INSYN1: variants seen among roughly 807,000 people sequenced by gnomAD.
The protein encoded by INSYN1 is inhibitory synaptic factor 1, also known as UPF0583 protein C15orf59.
In INSYN1, 7 loss-of-function variants were observed where a neutral mutation model predicts 17.1. That is an observed-to-expected ratio of 0.41 (90% CI 0.23 to 0.77). INSYN1 has a LOEUF of 0.77. Among genes scored for constraint, INSYN1 ranks in the 30% least tolerant of loss-of-function variants. The pLI, the probability that INSYN1 is intolerant of heterozygous loss-of-function variation, is 0.32. For missense variants in INSYN1, 339 were observed against 400.6 expected (o/e 0.85, Z 1.31); for synonymous variants, 174 against 166.3 (o/e 1.05, Z -0.36).
At chr15:73,744,679 C>T (rs539649760) in intron 2 of INSYN1, among the ~76,000 whole-genome samples, 1 of 152,134 alleles carries the variant, frequency 6.6e-6, no homozygotes, top group South Asian at 2.1e-4. Flanking sequence ...ATTTTGCCTA[C>T]ATGTAATTTG....
In INSYN1 at chr15:73,751,050, C is replaced by T; in HGVS notation, c.81G>A (p.Gln27=). Residue 27 remains glutamine, a synonymous_variant, in exon 2 of 3, where the codon CAG becomes CAA. Transcript: ENST00000569673. The part of the protein sequence containing the change: ...SSGGERERIR[Q]RMKMVIGQLE... Reference sequence around the variant, plus strand: ...GCTGCCCGATGACCATCTTCATGCGCTGTCGAATCCGCTCCCGCTCACCAC... The same window carrying T: ...GCTGCCCGATGACCATCTTCATGCGTTGTCGAATCCGCTCCCGCTCACCAC... 1 of 1,614,128 alleles carries T rather than the reference C, an allele frequency of 6.2e-7. No individual in the cohort carries two copies. Among genetic ancestry groups the T allele is most frequent in the Non-Finnish European group, 8.5e-7 (1 of 1,180,036 alleles).
chr15:73,745,787 C>T (rs1174398393), intron 2 of INSYN1, among the ~76,000 whole-genome samples: 7 of 128,586 alleles, frequency 5.4e-5, no homozygotes, highest in East Asian at 2.0e-4. Flanking sequence ...CCAGCCTGGG[C>T]GACAGAGCGA....
chr15:73,750,867 A>G (rs984322407), intron 2 of INSYN1, 108 bp downstream of exon 2: 2 of 1,178,766 alleles, frequency 1.7e-6, no homozygotes, highest in African/African-American at 3.0e-5. Flanking sequence ...AGAGTGACAC[A>G]TGTGCACGCA....
At chr15:73,750,950 T>C (rs769589283) in intron 2 of INSYN1, 25 bp downstream of exon 2, 32 of 1,613,596 alleles carry the variant, frequency 2.0e-5, no homozygotes, top group Middle Eastern at 1.6e-4. Context: ...AGGGTCTGTC[T>C]GGTCCCTCCT....
chr15:73,743,020 C>A lies in INSYN1; in HGVS notation c.157-2378G>T, dbSNP rs1185964051. On this transcript the variant is annotated intron_variant, in intron 2 of 2. Transcript: ENST00000569673. ...ACCAGCAATTCAAGGCATTGATGGCCTCAGGAGAGGCCCACCACCTCTGGG... is the reference window on the plus strand; with the variant it reads ...ACCAGCAATTCAAGGCATTGATGGCATCAGGAGAGGCCCACCACCTCTGGG... 2.0e-5 allele frequency among the ~76,000 whole-genome samples: 3 copies of A among 152,360 alleles called. No individual in the cohort carries two copies. The East Asian group carries it at 5.8e-4, about 29-fold the overall frequency.
chr15:73,739,593 C>T lies in INSYN1; in HGVS notation c.*324G>A, dbSNP rs1901618455. On this transcript the variant is annotated 3_prime_UTR_variant, in exon 3 of 3. Transcript: ENST00000569673. ...GACATGGCCCTGGCCATCAGCCAGACTCCACCACAGAGTTCAGGGGCTAGC... is the reference window on the plus strand; with the variant it reads ...GACATGGCCCTGGCCATCAGCCAGATTCCACCACAGAGTTCAGGGGCTAGC... 1.3e-5 allele frequency: 2 copies of T among 152,622 alleles called. No individual in the cohort carries two copies. The highest frequency in any genetic ancestry group is 2.4e-5 in the African/African-American group (1 of 41,440). The allele number at this position is 152,622 out of a possible 1,614,324, so 9.5% of individuals were successfully genotyped here. A position where few individuals can be genotyped will look rare whatever the true frequency, so the allele number is the denominator to read the frequency against.
chr15:73,753,245 G>GC lies in INSYN1; in HGVS notation c.-1704dup, dbSNP rs1281162074. On this transcript the variant is annotated 5_prime_UTR_variant, in exon 1 of 3. Transcript: ENST00000569673. The surrounding 1 kb of genome is among the most constrained non-coding windows in gnomAD (Gnocchi z 4.2). ...CCCGCGCCCCGGCCGCCCCCGGCCC[G>GC]CCCCGCCGCCCCCCGCCGGACTGGC... 2.1e-5 allele frequency among the ~76,000 whole-genome samples: 3 copies of GC among 145,384 alleles called. No individual in the cohort carries two copies. The highest frequency in any genetic ancestry group is 3.0e-5 in the Non-Finnish European group (2 of 65,704).
At chr15:73,746,482 C>CA (rs1424635358) in intron 2 of INSYN1, among the ~76,000 whole-genome samples, 1 of 152,216 alleles carries the variant, frequency 6.6e-6, no homozygotes, top group Non-Finnish European at 1.5e-5. Flanking sequence ...CTCACACTTG[C>CA]ATGGCCTATG....
At chr15:73,745,606 C>G (rs1400175945) in intron 2 of INSYN1, among the ~76,000 whole-genome samples, 1 of 152,224 alleles carries the variant, frequency 6.6e-6, no homozygotes. Flanking sequence ...TTGCTCACCG[C>G]TACATCCCCA....
chr15:73,748,406 T>C (rs1325782177), intron 2 of INSYN1, among the ~76,000 whole-genome samples: 1 of 151,810 alleles, frequency 6.6e-6, no homozygotes, highest in East Asian at 1.9e-4. Context: ...CCAACAGTCT[T>C]GTATGTGACT....
rs1476315719 is a variant in INSYN1, at chr15:73,738,744, C to T, written c.*1173G>A. 4.6e-5 allele frequency: 7 copies of T among 151,912 alleles called. No homozygotes were observed. Among genetic ancestry groups the T allele is most frequent in the Admixed American group, 4.6e-4 (7 of 15,246 alleles). 9.4% of individuals were successfully genotyped at this position (151,912 alleles called of 1,614,324 possible). The stretch of plus-strand genomic sequence containing the variant: ...GAAAAAGAAAAATGGGGTAATAATA[C>T]TTCCTGTCTCATCAGGTTATTGTGG... On this transcript the variant is annotated 3_prime_UTR_variant, in exon 3 of 3. Coordinates refer to ENST00000569673, the MANE Select transcript of INSYN1 (RefSeq NM_001039614.3).
chr15:73,740,558 T>C lies in INSYN1; in HGVS notation c.241A>G (p.Thr81Ala). The change falls in exon 3 of 3, where the codon ACC becomes GCC. Residue 81 changes from threonine (T) to alanine (A), a missense_variant. Coordinates refer to ENST00000569673, the MANE Select transcript of INSYN1 (RefSeq NM_001039614.3). ...DDWTTATVSS[T>A]SSSDKAGMGG... ...ATGCCCGCCTTGTCACTGCTAGAGG[T>C]GCTGCTCACAGTGGCCGTGGTCCAG... 6.2e-7 allele frequency: 1 copy of C among 1,614,016 alleles called. No homozygotes were observed. Among genetic ancestry groups the C allele is most frequent in the South Asian group, 1.1e-5 (1 of 91,086 alleles).
At position 73,739,838 on chromosome 15, in the gene INSYN1, AAT is replaced by A. The variant is rs71650721; in HGVS notation, c.*77_*78del. ...ATTTTATTATGACTTCATTTGTTTA[AAT>A]ATATATATATATATATATATATATA... is the stretch of plus-strand genomic sequence containing the variant. On this transcript the variant is annotated 3_prime_UTR_variant, in exon 3 of 3. Coordinates refer to ENST00000569673, the MANE Select transcript of INSYN1 (RefSeq NM_001039614.3). 0.3 allele frequency: 43,079 copies of A among 144,244 alleles called. 6,419 individuals carry two copies. Among genetic ancestry groups the A allele is most frequent in the Non-Finnish European group, 0.36 (26,995 of 75,564 alleles). 8.9% of individuals were successfully genotyped at this position (144,244 alleles called of 1,614,324 possible).
chr15:73,740,062 G>C lies in INSYN1; in HGVS notation c.737C>G (p.Thr246Ser). 6.2e-7 allele frequency: 1 copy of C among 1,613,618 alleles called. No homozygotes were observed. Among genetic ancestry groups the C allele is most frequent in the Non-Finnish European group, 8.5e-7 (1 of 1,179,812 alleles). ...APYKSRRSPL[T>S]SRHSGSTLAP... ...CAAGGTAGAGCCTGAGTGGCGGCTG[G>C]TCAGTGGAGAGCGCCGTGACTTGTA... Residue 246 changes from threonine (T) to serine (S), a missense_variant, in exon 3 of 3, where the codon ACC becomes AGC. Transcript: ENST00000569673.
rs1901649281 is a variant in INSYN1, at chr15:73,740,191, T to G, written c.608A>C (p.Glu203Ala). 1.2e-6 allele frequency: 2 copies of G among 1,613,982 alleles called. No individual in the cohort carries two copies. The highest frequency in any genetic ancestry group is 1.7e-6 in the Non-Finnish European group (2 of 1,179,984). Residue 203 changes from glutamate to alanine, a missense_variant, in exon 3 of 3, where the codon GAG (glutamate) becomes GCG (alanine). Glu to Ala is a moderately radical substitution (Grantham distance 107). Coordinates refer to ENST00000569673, the MANE Select transcript of INSYN1 (RefSeq NM_001039614.3). ...CTCCACCTCCTGCTCACCGTCCCCC[T>G]CCTCATCGTCACAGCACAGAGCATG... The part of the protein sequence containing the change: ...LYHALCCDDE[E>A]GDGEQEVEEE...
rs555011137 is a variant in INSYN1 at position 73,751,114 on chromosome 15, G to T, written c.17C>A (p.Ala6Asp). MNIRG[A>D]PDLGQPSDDP... ...GTCACTGGGCTGCCCGAGGTCCGGGGCGCCCCGAATGTTCATCGTTTACCA... is the reference window on the plus strand; with the variant it reads ...GTCACTGGGCTGCCCGAGGTCCGGGTCGCCCCGAATGTTCATCGTTTACCA... The change falls in exon 2 of 3, where the codon GCC (alanine) becomes GAC (aspartate). Residue 6 changes from alanine to aspartate, a missense_variant. Ala to Asp is a moderately radical substitution (Grantham distance 126). Transcript: ENST00000569673. 1.9e-6 allele frequency: 3 copies of T among 1,613,818 alleles called. No homozygotes were observed. The Admixed American group carries it at 5.0e-5, about 27-fold the overall frequency.
chr15:73,739,443 G>A lies in INSYN1; in HGVS notation c.*474C>T, dbSNP rs1901615036. 6.6e-6 allele frequency: 1 copy of A among 152,332 alleles called. No homozygotes were observed. Among genetic ancestry groups the A allele is most frequent in the Non-Finnish European group, 1.5e-5 (1 of 68,182 alleles). 9.4% of individuals were successfully genotyped at this position (152,332 alleles called of 1,614,324 possible). On this transcript the variant is annotated 3_prime_UTR_variant, in exon 3 of 3. Coordinates refer to ENST00000569673, the MANE Select transcript of INSYN1 (RefSeq NM_001039614.3). ...GGTGGGTGCAAGTGACGCAGGGCCT[G>A]GCCAGACTGATGCCACCCCCAGGCC...
intron 2 of INSYN1, among the ~76,000 whole-genome samples, chr15:73,748,396 C>T (rs1567037172): frequency 6.6e-6 from 1 of 152,190 alleles, no homozygotes; most frequent in Non-Finnish European, 1.5e-5. Flanking sequence ...CCCCCCACCC[C>T]CAACAGTCTT....
In INSYN1 at chr15:73,739,086, T is replaced by C. The variant is rs956803154; in HGVS notation, c.*831A>G. 1.3e-5 allele frequency: 2 copies of C among 152,268 alleles called. No individual in the cohort carries two copies. The highest frequency in any genetic ancestry group is 2.9e-5 in the Non-Finnish European group (2 of 68,068). The allele number at this position is 152,268 out of a possible 1,614,324, so 9.4% of individuals were successfully genotyped here. ...TCTACGGCCCTAATTTTTAGCCCCA[T>C]GGAAGTGGCTGCCTACTTCCTCGCA... On this transcript the variant is annotated 3_prime_UTR_variant, in exon 3 of 3. Transcript: ENST00000569673.
Sources: allele counts gnomAD v4.1 joint callset (sites outside exome capture counted in the v4.1 genomes callset), GRCh38; gene constraint gnomAD v4.1.1; non-coding constraint Gnocchi (gnomAD v3.1); transcripts MANE v1.5; gene names NCBI Gene and HGNC (gene_info 2026-07-23, HGNC 2026-07-21).